PPFIA2: variants seen among roughly 807,000 people sequenced by gnomAD.
PPFIA2 encodes liprin-alpha-2.
A neutral mutation model predicts 175.5 loss-of-function variants in PPFIA2; 46 were observed. The observed-to-expected ratio is 0.26, with a 90% CI of 0.21 to 0.34. The LOEUF (loss-of-function observed/expected upper bound fraction) is 0.34, where lower values mean the gene tolerates loss of function less well. Among genes scored for constraint, PPFIA2 ranks in the 10% least tolerant of loss-of-function variants. The probability of loss-of-function intolerance (pLI) is 1.00; values close to 1 mark genes in which losing one functional copy is unlikely to be tolerated. For missense variants in PPFIA2, 1,179 were observed against 1,506.1 expected (o/e 0.78, Z 3.60); for synonymous variants, 568 against 511.4 (o/e 1.11, Z -1.49).
intron 8 of PPFIA2, among the ~76,000 whole-genome samples, chr12:81,390,485 A>T (rs530644953): frequency 6.6e-6 from 1 of 151,972 alleles, no homozygotes; most frequent in Non-Finnish European, 1.5e-5. Flanking sequence ...GTGCAAAGTG[A>T]TATTTCCTTA....
chr12:81,502,309 C>T (rs1474937915), intron 4 of PPFIA2, among the ~76,000 whole-genome samples: 1 of 152,076 alleles, frequency 6.6e-6, no homozygotes, highest in Non-Finnish European at 1.5e-5. Context: ...CAGCCTTTTC[C>T]CTAAAACAAA....
intron 4 of PPFIA2, among the ~76,000 whole-genome samples, chr12:81,636,328 G>A (rs1482569184): frequency 6.7e-5 from 10 of 148,332 alleles, no homozygotes; most frequent in Non-Finnish European, 1.5e-4. Flanking sequence ...TGCAGTGGCG[G>A]GATCTCGGCT....
rs1021966134 is a variant in PPFIA2 at position 81,267,936 on chromosome 12, T to C, written c.3462A>G (p.Leu1154=). 3 of 1,597,024 alleles carry C rather than the reference T, an allele frequency of 1.9e-6. No homozygotes were observed. The highest frequency in any genetic ancestry group is 2.7e-5 in the African/African-American group (2 of 74,644). The change falls in exon 29 of 33, where the codon TTA becomes TTG. Residue 1154 remains leucine (L), a synonymous_variant. Transcript: ENST00000549396. The stretch of plus-strand genomic sequence containing the variant: ...CCTGGGTGTTCTGTGTTGGAATCTG[T>C]AATAATAAAGCTAAGCTGCTGTAGT... ...NFDYSSLALL[L]QIPTQNTQAR...
At chr12:81,519,943 C>A (rs904149881) in intron 4 of PPFIA2, among the ~76,000 whole-genome samples, 3 of 151,978 alleles carry the variant, frequency 2.0e-5, no homozygotes, top group African/African-American at 7.3e-5. Flanking sequence ...AGGAGATTAA[C>A]AAAAATAAAA....
At chr12:81,379,979 A>G (rs1200871182) in intron 9 of PPFIA2, among the ~76,000 whole-genome samples, 1 of 152,158 alleles carries the variant, frequency 6.6e-6, no homozygotes, top group Non-Finnish European at 1.5e-5. Flanking sequence ...TTTTTACTCA[A>G]TTATTACAAC....
intron 27 of PPFIA2, chr12:81,279,430 GCT>G (rs1351923827): frequency 2.6e-5 from 4 of 152,040 alleles, no homozygotes; most frequent in Non-Finnish European, 5.9e-5. Flanking sequence ...ATATTGGGCA[GCT>G]TGAGATTAAA....
intron 7 of PPFIA2, among the ~76,000 whole-genome samples, chr12:81,419,334 A>G (rs1025565202): frequency 2.0e-5 from 3 of 152,128 alleles, no homozygotes; most frequent in South Asian, 2.1e-4. Flanking sequence ...TTCATGAAAA[A>G]AAGAAAATCA....
intron 8 of PPFIA2, among the ~76,000 whole-genome samples, chr12:81,389,125 T>A (rs1019309256): frequency 5.5e-4 from 79 of 144,940 alleles, no homozygotes; most frequent in Non-Finnish European, 8.3e-4. Flanking sequence ...ATTCAATATT[T>A]TATATATATA....
intron 4 of PPFIA2, among the ~76,000 whole-genome samples, chr12:81,642,765 T>TATATTATATACATAC (rs1253121742): frequency 0.27 from 2,048 of 7,670 alleles, 800 homozygotes; most frequent in South Asian, 0.41. Context: ...CATACATGTA[T>TATATTATATACATAC]ATGTATGTAT....
chr12:81,534,722 A>T (rs2065132378), intron 4 of PPFIA2, among the ~76,000 whole-genome samples: 1 of 151,762 alleles, frequency 6.6e-6, no homozygotes, highest in Non-Finnish European at 1.5e-5. Flanking sequence ...CAAAGCTGAG[A>T]AGACAGTTCA....
chr12:81,432,192 C>A (rs2048211707), intron 7 of PPFIA2, among the ~76,000 whole-genome samples: 2 of 152,062 alleles, frequency 1.3e-5, no homozygotes, highest in African/African-American at 4.8e-5. Flanking sequence ...TCAGCCATTA[C>A]CATCATCTGT....
intron 4 of PPFIA2, among the ~76,000 whole-genome samples, chr12:81,602,018 T>C (rs2059845545): frequency 6.6e-6 from 1 of 151,860 alleles, no homozygotes; most frequent in Non-Finnish European, 1.5e-5. Flanking sequence ...TTTTACTATA[T>C]TGTACTATCT....
At chr12:81,527,374 A>G (rs1244666941) in intron 4 of PPFIA2, among the ~76,000 whole-genome samples, 1 of 151,702 alleles carries the variant, frequency 6.6e-6, no homozygotes. Context: ...GCTCCATTTT[A>G]TGCTTCTGTT....
In PPFIA2 at chr12:81,450,497, T is replaced by C. The variant is rs184925411; in HGVS notation, c.406-4777A>G. 5.5e-4 allele frequency among the ~76,000 whole-genome samples: 84 copies of C among 152,338 alleles called. 1 individual carries two copies. Among genetic ancestry groups the C allele is most frequent in the African/African-American group, 2.0e-3 (83 of 41,578 alleles). On this transcript the variant is annotated intron_variant, in intron 5 of 32. Transcript: ENST00000549396. ...TTTTGATAGGGTTGTTTGTTTTTTT[T>C]CTTGTAAATTTGTTTGAGTTCTTTG... is the stretch of plus-strand genomic sequence containing the variant.
intron 15 of PPFIA2, among the ~76,000 whole-genome samples, chr12:81,359,064 C>A (rs1395830712): frequency 6.6e-6 from 1 of 151,864 alleles, no homozygotes; most frequent in African/African-American, 2.4e-5. Flanking sequence ...TTTATTGTTA[C>A]AATAATGATG....
intron 4 of PPFIA2, among the ~76,000 whole-genome samples, chr12:81,516,537 T>G (rs1396885117): frequency 1.3e-5 from 2 of 152,160 alleles, no homozygotes; most frequent in Non-Finnish European, 2.9e-5. Flanking sequence ...TAACCCAATA[T>G]GACTGTGTCC....
At chr12:81,261,153 C>G (rs1230312533) in intron 32 of PPFIA2, 1 of 152,076 alleles carries the variant, frequency 6.6e-6, no homozygotes, top group Non-Finnish European at 1.5e-5. Flanking sequence ...TTGTTTTTAG[C>G]AAGTGTAAAT....
At chr12:81,507,587 G>C (rs775498298) in intron 4 of PPFIA2, among the ~76,000 whole-genome samples, 5 of 152,096 alleles carry the variant, frequency 3.3e-5, no homozygotes, top group Non-Finnish European at 7.4e-5. Context: ...TGTTAGAAAA[G>C]TTTGTTGGAT....
chr12:81,383,163 G>C (rs943775343), intron 9 of PPFIA2, among the ~76,000 whole-genome samples: 1 of 152,088 alleles, frequency 6.6e-6, no homozygotes, highest in African/African-American at 2.4e-5. Context: ...ATTGGCTTAC[G>C]AGAGAATGGG....
Sources: gnomAD v4.1 joint callset for allele counts (sites outside exome capture counted in the v4.1 genomes callset) on GRCh38, gnomAD v4.1.1 for gene constraint, MANE v1.5 for transcripts, NCBI Gene and HGNC (gene_info 2026-07-23, HGNC 2026-07-21) for gene names.